The following HMGB1 variants were observed in gnomAD, a reference collection of about 807,000 sequenced individuals.
The protein encoded by HMGB1 is high mobility group box 1.
For synonymous variants in HMGB1, 81 were observed against 84.0 expected (o/e 0.96, Z 0.19); for missense variants, 79 against 253.5 (o/e 0.31, Z 4.67).
chr13:30,501,301 A>G (rs144474387), intron 1 of HMGB1, among the ~76,000 whole-genome samples: 1,540 of 152,316 alleles, frequency 0.01, 29 homozygotes, highest in African/African-American at 0.036. Context: ...ATTTAGAACA[A>G]GAGTTATTAA....
chr13:30,531,509 CGTGTGTGTGTGT>C (rs376387192), intron 1 of HMGB1, among the ~76,000 whole-genome samples: 105 of 135,666 alleles, frequency 7.7e-4, no homozygotes, highest in Middle Eastern at 3.8e-3. Flanking sequence ...GTAACATATA[CGTGTGTGTGTGT>C]GTGTGTGTGT....
chr13:30,504,650 G>A (rs1887809678), intron 1 of HMGB1, among the ~76,000 whole-genome samples: 1 of 152,210 alleles, frequency 6.6e-6, no homozygotes, highest in African/African-American at 2.4e-5. Flanking sequence ...TTTAGGTTAG[G>A]TTGAAATCGA....
At chr13:30,591,923 G>A (rs1871388998) in intron 1 of HMGB1, among the ~76,000 whole-genome samples, 1 of 151,948 alleles carries the variant, frequency 6.6e-6, no homozygotes, top group Non-Finnish European at 1.5e-5. Flanking sequence ...GTCCTACTGT[G>A]GGTAGCGCAA....
At chr13:30,567,343 AT>A (rs34781585) in intron 1 of HMGB1, among the ~76,000 whole-genome samples, 2,636 of 138,770 alleles carry the variant, frequency 0.019, 46 homozygotes, top group African/African-American at 0.064. Context: ...TGTTAACCAA[AT>A]TTTTTTTTTT....
chr13:30,465,164 G>C, intron 1 of HMGB1: 1 of 961,242 alleles, frequency 1.0e-6, no homozygotes, highest in Non-Finnish European at 1.2e-6. Flanking sequence ...GTTCCAGCGA[G>C]CGCAGCGGCG....
At chr13:30,553,670 C>A (rs1869535861) in intron 1 of HMGB1, 1 of 771,520 alleles carries the variant, frequency 1.3e-6, no homozygotes, top group African/African-American at 1.7e-5. Flanking sequence ...TTGTCCCAGC[C>A]ATGCCCACCA....
At chr13:30,605,007 A>C (rs1950442315) in intron 1 of HMGB1, among the ~76,000 whole-genome samples, 1 of 152,122 alleles carries the variant, frequency 6.6e-6, no homozygotes, top group Non-Finnish European at 1.5e-5. Flanking sequence ...GATTAAATGT[A>C]AGGTATGAGG....
At chr13:30,570,775 CCT>C (rs1327210684) in intron 1 of HMGB1, among the ~76,000 whole-genome samples, 1 of 152,050 alleles carries the variant, frequency 6.6e-6, no homozygotes, top group Admixed American at 6.5e-5. Flanking sequence ...TTTTTGTGCC[CCT>C]GTGTTAAGCA....
rs545597641 is a variant in HMGB1 at position 30,498,772 on chromosome 13, C to T, written c.-14-35078G>A. Reference sequence around the variant, plus strand: ...AAGAGATTCTCCTGCCTTAGCCTCCCGAGTAGCTGGGACTACAGGCATGAG... The same window carrying T: ...AAGAGATTCTCCTGCCTTAGCCTCCTGAGTAGCTGGGACTACAGGCATGAG... On this transcript the variant is annotated intron_variant, in intron 1 of 4. Coordinates refer to the HMGB1 transcript ENST00000405805. 2.3e-4 allele frequency among the ~76,000 whole-genome samples: 35 copies of T among 151,446 alleles called. 1 individual carries two copies. The highest frequency in any genetic ancestry group is 7.8e-4 in the African/African-American group (32 of 41,280).
At chr13:30,522,718 G>A (rs1319647821) in intron 1 of HMGB1, among the ~76,000 whole-genome samples, 1 of 142,718 alleles carries the variant, frequency 7.0e-6, no homozygotes, top group Non-Finnish European at 1.5e-5. Context: ...GGTTATGAAG[G>A]CAAACAAGTC....
At chr13:30,612,824 G>A (rs936796359) in intron 1 of HMGB1, among the ~76,000 whole-genome samples, 1 of 152,156 alleles carries the variant, frequency 6.6e-6, no homozygotes, top group African/African-American at 2.4e-5. Flanking sequence ...AGTACTTATA[G>A]AACGTTATTT....
chr13:30,503,582 A>C (rs1887784453), intron 1 of HMGB1, among the ~76,000 whole-genome samples: 1 of 150,652 alleles, frequency 6.6e-6, no homozygotes, highest in Non-Finnish European at 1.5e-5. Context: ...GATTTGTTTA[A>C]TTAGCCATCT....
At chr13:30,612,828 G>A (rs187375158) in intron 1 of HMGB1, among the ~76,000 whole-genome samples, 5 of 152,326 alleles carry the variant, frequency 3.3e-5, no homozygotes, top group South Asian at 2.1e-4. Flanking sequence ...CTTATAGAAC[G>A]TTATTTTGTC....
intron 1 of HMGB1, among the ~76,000 whole-genome samples, chr13:30,573,797 T>C (rs1409101724): frequency 6.6e-6 from 1 of 152,054 alleles, no homozygotes; most frequent in Non-Finnish European, 1.5e-5. Flanking sequence ...ACTACAGGCA[T>C]GCGCCAACAC....
At chr13:30,578,368 C>CTTTTTTTTTTTTTT (rs60947686) in intron 1 of HMGB1, among the ~76,000 whole-genome samples, 2 of 59,322 alleles carry the variant, frequency 3.4e-5, no homozygotes, top group African/African-American at 1.3e-4. Context: ...AGTTCTTGTT[C>CTTTTTTTTTTTTTT]TTTTTTTTTT....
At position 30,559,575 on chromosome 13, in the gene HMGB1, ATTAAAT is replaced by A. The variant is rs1869858677; in HGVS notation, c.-15+57090_-15+57095del. On this transcript the variant is annotated intron_variant, in intron 1 of 4. Coordinates refer to the HMGB1 transcript ENST00000405805. This position sits in a 1 kb window ranked among gnomAD's most constrained non-coding sequence, Gnocchi z 6.6. ...TAGGCTGCCTGCTCTAACACATGAG[ATTAAAT>A]TTAGATAGCCACATAGGGAAATCAG... Among the ~76,000 whole-genome samples, 1 of 152,178 alleles carries A rather than the reference ATTAAAT, an allele frequency of 6.6e-6. No individual in the cohort carries two copies. Among genetic ancestry groups the A allele is most frequent in the South Asian group, 2.1e-4 (1 of 4,828 alleles).
chr13:30,578,564 A>C (rs1870763421), intron 1 of HMGB1, among the ~76,000 whole-genome samples: 1 of 151,748 alleles, frequency 6.6e-6, no homozygotes, highest in Non-Finnish European at 1.5e-5. Context: ...TCCTAACTCT[A>C]ATCTCTCTTT....
intron 1 of HMGB1, among the ~76,000 whole-genome samples, chr13:30,568,654 G>A (rs527879684): frequency 1.3e-5 from 2 of 152,270 alleles, no homozygotes; most frequent in Non-Finnish European, 2.9e-5. Context: ...ACAGAGGGGA[G>A]GGCCTTGTGA....
chr13:30,582,393 C>A (rs911744258), intron 1 of HMGB1, among the ~76,000 whole-genome samples: 4 of 152,036 alleles, frequency 2.6e-5, no homozygotes, highest in Non-Finnish European at 5.9e-5. Flanking sequence ...AATCCCAGCA[C>A]TTTGGGAGTC....
Sources: gnomAD v4.1 joint callset for allele counts (sites outside exome capture counted in the v4.1 genomes callset) on GRCh38, gnomAD v4.1.1 for gene constraint, Gnocchi (gnomAD v3.1) non-coding constraint, MANE v1.5 for transcripts, NCBI Gene and HGNC (gene_info 2026-07-23, HGNC 2026-07-21) for gene names.